SLC8B1: variants seen among roughly 807,000 people sequenced by gnomAD.
The protein encoded by SLC8B1 is mitochondrial sodium/calcium exchanger protein.
In SLC8B1, 52 loss-of-function variants were observed where a neutral mutation model predicts 63.4. The ratio of observed to expected loss-of-function variants is 0.82; its 90% CI spans 0.66 to 1.03. The LOEUF (loss-of-function observed/expected upper bound fraction) is 1.03. SLC8B1 is among the 50% of genes least tolerant of loss of function. The pLI is 0.00. For synonymous variants in SLC8B1, 336 were observed against 323.9 expected (o/e 1.04, Z -0.40); for missense variants, 657 against 741.7 (o/e 0.89, Z 1.33).
At chr12:113,308,877 G>T (rs531054181) in intron 12 of SLC8B1, 3 of 151,978 alleles carry the variant, frequency 2.0e-5, no homozygotes, top group African/African-American at 7.2e-5. Flanking sequence ...TTTTTAGGAC[G>T]ATGTCTCACT....
intron 2 of SLC8B1, among the ~76,000 whole-genome samples, chr12:113,322,474 G>A (rs1188810021): frequency 6.6e-6 from 1 of 152,182 alleles, no homozygotes; most frequent in Non-Finnish European, 1.5e-5. Context: ...TAGCCAATGA[G>A]CTTCCTCACA....
In SLC8B1 at chr12:113,299,911, A is replaced by G. The variant is rs759264877; in HGVS notation, c.1621T>C (p.Ser541Pro). ...CACTGCAATGGGACTGAGACCAGGGAGAAGACGAGGCTGAGCCCCAGGGCG... is the reference window on the plus strand; with the variant it reads ...CACTGCAATGGGACTGAGACCAGGGGGAAGACGAGGCTGAGCCCCAGGGCG... ...AGALGLSLVFSLVSVPLQCFQ... is the reference protein window; with the variant it reads ...AGALGLSLVFPLVSVPLQCFQ... Residue 541 changes from serine (S) to proline (P), a missense_variant, in exon 16 of 16, where the codon TCC becomes CCC. By Grantham distance (74) the Ser-to-Pro change is moderately conservative (BLOSUM62 -1). Coordinates refer to ENST00000680972, the MANE Select transcript of SLC8B1 (RefSeq NM_001358345.2). The G allele has an allele frequency of 5.6e-6, 9 of 1,614,066 alleles. No homozygotes were observed. Among genetic ancestry groups the G allele is most frequent in the Admixed American group, 3.3e-5 (2 of 60,008 alleles).
At chr12:113,303,516 G>A (rs192886375) in intron 15 of SLC8B1, among the ~76,000 whole-genome samples, 11 of 152,278 alleles carry the variant, frequency 7.2e-5, no homozygotes, top group African/African-American at 1.4e-4. Context: ...CCCAGCCTAC[G>A]TCTTCCTTGC....
Position 113,320,177 on chromosome 12 carries a change from T to G in SLC8B1, c.694+154A>C. Reference sequence around the variant, plus strand: ...TGGTTATGTGACCCACATGTTCCCATTTTTGCTCAAGCCAGCTTGAGGAGG... The same window carrying G: ...TGGTTATGTGACCCACATGTTCCCAGTTTTGCTCAAGCCAGCTTGAGGAGG... On this transcript the variant is annotated intron_variant, in intron 7 of 15. Coordinates refer to ENST00000680972, the MANE Select transcript of SLC8B1 (RefSeq NM_001358345.2). The surrounding 1 kb of genome is among the most constrained non-coding windows in gnomAD (Gnocchi z 5.3). 2.2e-6 allele frequency: 2 copies of G among 892,172 alleles called. No individual in the cohort carries two copies. Among genetic ancestry groups the G allele is most frequent in the East Asian group, 2.5e-5 (1 of 39,602 alleles). The allele number at this position is 892,172 out of a possible 1,614,324, so 55.3% of individuals were successfully genotyped here.
At chr12:113,309,078 C>T (rs997899060) in intron 12 of SLC8B1, among the ~76,000 whole-genome samples, 12 of 152,036 alleles carry the variant, frequency 7.9e-5, no homozygotes, top group Admixed American at 7.9e-4. Context: ...TGGTCTCAAA[C>T]TCCTGACCTC....
chr12:113,323,724 C>A (rs961126183), intron 2 of SLC8B1, among the ~76,000 whole-genome samples: 10 of 151,938 alleles, frequency 6.6e-5, no homozygotes, highest in South Asian at 2.1e-4. Flanking sequence ...AAAACAACAA[C>A]AAAAAAAGCT....
rs1034024576 is a variant in SLC8B1, at chr12:113,315,319, G to T, written c.1135+16C>A. The T allele has an allele frequency of 1.3e-6, 2 of 1,517,712 alleles. No homozygotes were observed. Among genetic ancestry groups the T allele is most frequent in the African/African-American group, 2.8e-5 (2 of 72,188 alleles). The allele number at this position is 1,517,712 out of a possible 1,614,324, so 94.0% of individuals were successfully genotyped here. On this transcript the variant is annotated intron_variant, in intron 11 of 15. Transcript: ENST00000680972. ...GGAGTAGGAAGGTGGGTTGGCCCGG[G>T]GTAGGGGATACTCACAGGTCCCCGA...
chr12:113,307,128 A>C (rs1171231293), intron 13 of SLC8B1, among the ~76,000 whole-genome samples: 15 of 141,544 alleles, frequency 1.1e-4, no homozygotes, highest in East Asian at 2.0e-4. Context: ...AAAAAAAAAA[A>C]AAAAAAAAAA....
rs572167791 is a variant in SLC8B1, at chr12:113,332,873, G to A, written c.6C>T (p.Ala2=). The A allele has an allele frequency of 3.6e-5, 58 of 1,613,840 alleles. No homozygotes were observed. Among genetic ancestry groups the A allele is most frequent in the Middle Eastern group, 1.7e-4 (1 of 6,058 alleles). The change falls in exon 2 of 16, where the codon GCC becomes GCT. Residue 2 remains alanine, a synonymous_variant. Transcript: ENST00000680972. M[A]GRRLNLRWAL... is the part of the protein sequence containing the mutation. ...CCCAGCGCAGATTCAGCCTTCTGCCGGCCATCTGCCCCCACGGGGCCTGGC... is the reference window on the plus strand; with the variant it reads ...CCCAGCGCAGATTCAGCCTTCTGCCAGCCATCTGCCCCCACGGGGCCTGGC...
At chr12:113,313,430 G>A (rs1358328894) in intron 11 of SLC8B1, among the ~76,000 whole-genome samples, 1 of 151,810 alleles carries the variant, frequency 6.6e-6, no homozygotes, top group African/African-American at 2.4e-5. Context: ...ACAATACAAC[G>A]AGCTGATTTA....
intron 11 of SLC8B1, among the ~76,000 whole-genome samples, chr12:113,310,950 C>G: frequency 6.6e-6 from 1 of 152,184 alleles, no homozygotes; most frequent in East Asian, 1.9e-4. Flanking sequence ...GTTCATATAC[C>G]TGCATCAAGA....
intron 13 of SLC8B1, 99 bp from the exon 14 acceptor site, chr12:113,306,674 A>C (rs1257834907): frequency 6.1e-6 from 6 of 982,142 alleles, no homozygotes; most frequent in Non-Finnish European, 9.4e-6. Context: ...TCAGGCAACA[A>C]ACACAGATGG....
chr12:113,320,713 A>T lies in SLC8B1; in HGVS notation c.421-27T>A. On this transcript the variant is annotated intron_variant, in intron 5 of 15. Transcript: ENST00000680972. The surrounding 1 kb of genome is among the most constrained non-coding windows in gnomAD (Gnocchi z 5.3). ...TGTGGGGAGCATGTCAAGGCGGGCCAGGATCGCAGCTGCAGCCCACCCAGG... is the reference window on the plus strand; with the variant it reads ...TGTGGGGAGCATGTCAAGGCGGGCCTGGATCGCAGCTGCAGCCCACCCAGG... 2 of 1,606,664 alleles carry T rather than the reference A, an allele frequency of 1.2e-6. No individual in the cohort carries two copies. The highest frequency in any genetic ancestry group is 1.7e-4 in the Middle Eastern group (1 of 6,050).
Position 113,315,367 on chromosome 12 carries a change from A to C in SLC8B1, c.1103T>G (p.Leu368Arg). 1 of 1,556,746 alleles carries C rather than the reference A, an allele frequency of 6.4e-7. No individual in the cohort carries two copies. Among genetic ancestry groups the C allele is most frequent in the Non-Finnish European group, 8.7e-7 (1 of 1,149,722 alleles). Residue 368 changes from leucine (L) to arginine (R), a missense_variant, in exon 11 of 16, where the codon CTG becomes CGG. Leu to Arg is a moderately radical substitution (Grantham distance 102). Coordinates refer to ENST00000680972, the MANE Select transcript of SLC8B1 (RefSeq NM_001358345.2). ...LNCLHLVISP[L>R]VVVLTLQSGT... ...CGACTGCAGGGTCAGGACCACAACC[A>C]GGGGGCTGATAACCAGATGCAGACA...
chr12:113,323,037 C>T (rs1414587035), intron 2 of SLC8B1, among the ~76,000 whole-genome samples: 1 of 152,192 alleles, frequency 6.6e-6, no homozygotes, highest in Non-Finnish European at 1.5e-5. Flanking sequence ...CCAGTTACCA[C>T]CACCATGAGC....
intron 11 of SLC8B1, among the ~76,000 whole-genome samples, chr12:113,314,971 C>A (rs970600935): frequency 2.6e-5 from 4 of 152,170 alleles, no homozygotes; most frequent in Admixed American, 2.6e-4. Flanking sequence ...CTAGCCCAAA[C>A]CTCCCTCACG....
At chr12:113,333,591 T>C (rs1180373343) in intron 1 of SLC8B1, among the ~76,000 whole-genome samples, 1 of 152,192 alleles carries the variant, frequency 6.6e-6, no homozygotes, top group Non-Finnish European at 1.5e-5. Flanking sequence ...GCCAGGCTTG[T>C]TTCCCCCCTG....
At chr12:113,316,903 G>A (rs775526957) in intron 9 of SLC8B1, 39 bp downstream of exon 9, 5 of 1,604,896 alleles carry the variant, frequency 3.1e-6, no homozygotes, top group African/African-American at 1.3e-5. Flanking sequence ...GCCTTTCCCT[G>A]TTACCGCCAC....
intron 2 of SLC8B1, among the ~76,000 whole-genome samples, chr12:113,328,699 G>A (rs528079540): frequency 6.6e-6 from 1 of 151,488 alleles, no homozygotes; most frequent in Admixed American, 6.6e-5. Context: ...ACTTCTTGCA[G>A]GAAGCCCTCC....
Sources: allele counts gnomAD v4.1 joint callset (sites outside exome capture counted in the v4.1 genomes callset), GRCh38; gene constraint gnomAD v4.1.1; non-coding constraint Gnocchi (gnomAD v3.1); transcripts MANE v1.5; gene names NCBI Gene and HGNC (gene_info 2026-07-23, HGNC 2026-07-21).